The following HYDIN variants were observed in gnomAD, a reference collection of about 807,000 sequenced individuals.
HYDIN encodes axonemal central pair apparatus protein HYDIN.
Under a neutral mutation model 403.9 loss-of-function variants are expected in HYDIN, and 132 were observed. The ratio of observed to expected loss-of-function variants is 0.33; its 90% CI spans 0.28 to 0.38. HYDIN has a LOEUF of 0.38. HYDIN is among the 10% of genes least tolerant of loss of function. The pLI is 1.00. For missense variants in HYDIN, 2,827 were observed against 5,009.5 expected, an observed-to-expected ratio of 0.56 and a Z score of 13.15; for synonymous variants, 1,202 against 1,891.7, an observed-to-expected ratio of 0.64 and a Z score of 9.46.
At chr16:70,934,088 C>T (rs915692214) in intron 45 of HYDIN, among the ~76,000 whole-genome samples, 5 of 152,060 alleles carry the variant, frequency 3.3e-5, no homozygotes, top group South Asian at 2.1e-4. Flanking sequence ...AAGGAGGGTA[C>T]GATCCACAGT....
At chr16:70,808,095 G>A (rs770198980) in intron 85 of HYDIN, 33 bp from the exon 86 acceptor site, 64 of 1,570,192 alleles carry the variant, frequency 4.1e-5, no homozygotes, top group Non-Finnish European at 5.0e-5. Flanking sequence ...CAGCTCACGT[G>A]AGATCCTGAA....
chr16:71,188,917 C>A (rs940703466), intron 1 of HYDIN, among the ~76,000 whole-genome samples: 3 of 151,980 alleles, frequency 2.0e-5, no homozygotes, highest in African/African-American at 7.2e-5. Context: ...TTAGAAGCAA[C>A]AGTCTGATCA....
In HYDIN at chr16:70,902,821, A is replaced by ATATTTTTTTT; in HGVS notation, c.8849+803_8849+804insAAAAAAAATA. Among the ~76,000 whole-genome samples the ATATTTTTTTT allele has an allele frequency of 2.0e-3, 94 of 47,194 alleles. 2 individuals carry two copies. Among genetic ancestry groups the ATATTTTTTTT allele is most frequent in the Admixed American group, 0.017 (67 of 3,862 alleles). The allele number at this position is 47,194 out of a possible 152,430, so 31.0% of individuals were successfully genotyped here. A position where few individuals can be genotyped will look rare whatever the true frequency, so the allele number is the denominator to read the frequency against. ...TATATATATATATATATATATATAT[A>ATATTTTTTTT]TTTTTTTTTTTTTTTTTGTCCCACT... On this transcript the variant is annotated intron_variant, in intron 52 of 85. Transcript: ENST00000393567.
intron 22 of HYDIN, 30 bp downstream of exon 22, chr16:71,020,144 G>A (rs755285580): frequency 3.8e-5 from 61 of 1,609,518 alleles, no homozygotes; most frequent in Non-Finnish European, 4.9e-5. Context: ...ACCCCAGACA[G>A]CTTGCCAGAA....
At chr16:71,039,976 A>C (rs924428665) in intron 18 of HYDIN, among the ~76,000 whole-genome samples, 1 of 151,916 alleles carries the variant, frequency 6.6e-6, no homozygotes, top group Non-Finnish European at 1.5e-5. Flanking sequence ...ACTGTAACAC[A>C]CCCTCTGGGG....
Position 71,217,840 on chromosome 16 carries a change from C to T in HYDIN, c.-24+12722G>A, listed in dbSNP as rs184549543. Among the ~76,000 whole-genome samples, 8 of 152,292 alleles carry T rather than the reference C, an allele frequency of 5.3e-5. No homozygotes were observed. The South Asian group carries it at 8.3e-4, about 16-fold the overall frequency. On this transcript the variant is annotated intron_variant, in intron 1 of 85. Transcript: ENST00000393567. The stretch of plus-strand genomic sequence containing the variant: ...CCCTGCTTTGCGGGAGAGCCATTCA[C>T]GCTGCTGAGGTCTGGTCCAAGAGAG...
intron 18 of HYDIN, among the ~76,000 whole-genome samples, chr16:71,038,679 G>C (rs2081181616): frequency 6.6e-6 from 1 of 152,298 alleles, no homozygotes; most frequent in South Asian, 2.1e-4. Flanking sequence ...AATTTCTTTT[G>C]AGAAGAAGTC....
At chr16:71,063,341 C>T (rs574109560) in intron 16 of HYDIN, among the ~76,000 whole-genome samples, 12 of 152,290 alleles carry the variant, frequency 7.9e-5, no homozygotes, top group Admixed American at 2.6e-4. Context: ...AGCCTGAGGT[C>T]GGACTGATCT....
At chr16:71,203,268 C>CCATCCTAGTGT in intron 1 of HYDIN, among the ~76,000 whole-genome samples, 1 of 152,138 alleles carries the variant, frequency 6.6e-6, no homozygotes, top group Non-Finnish European at 1.5e-5. Context: ...ATCCTGTGAA[C>CCATCCTAGTGT]CATCCTAGTG....
chr16:70,851,503 A>T (rs1362726277), intron 73 of HYDIN, among the ~76,000 whole-genome samples: 1 of 148,490 alleles, frequency 6.7e-6, no homozygotes, highest in African/African-American at 2.6e-5. Context: ...CATCAGAGAA[A>T]TGCAAGTCAA....
At chr16:70,865,789 G>C (rs1597161934) in intron 67 of HYDIN, among the ~76,000 whole-genome samples, 1 of 152,086 alleles carries the variant, frequency 6.6e-6, no homozygotes, top group East Asian at 1.9e-4. Context: ...TTTTGGGTCT[G>C]GGCTTCTAAG....
chr16:70,810,328 C>A (rs1597008891), intron 84 of HYDIN, among the ~76,000 whole-genome samples: 2 of 152,214 alleles, frequency 1.3e-5, no homozygotes, highest in African/African-American at 4.8e-5. Context: ...GCTTAGGCAG[C>A]TCCTTCTTTG....
At chr16:71,167,583 T>A (rs1214622708) in intron 5 of HYDIN, among the ~76,000 whole-genome samples, 1 of 151,848 alleles carries the variant, frequency 6.6e-6, no homozygotes, top group Admixed American at 6.6e-5. Flanking sequence ...GAGAGAGATG[T>A]TTTCAGACCT....
At chr16:70,871,796 C>T (rs950184064) in intron 65 of HYDIN, among the ~76,000 whole-genome samples, 1 of 127,802 alleles carries the variant, frequency 7.8e-6, no homozygotes, top group Non-Finnish European at 1.6e-5. Flanking sequence ...CCACAGGGCC[C>T]GTTGACAGCA....
intron 18 of HYDIN, among the ~76,000 whole-genome samples, chr16:71,035,739 T>C (rs1345902664): frequency 6.6e-6 from 1 of 152,168 alleles, no homozygotes; most frequent in African/African-American, 2.4e-5. Flanking sequence ...TTCCAATTGG[T>C]GACAGGTGTG....
chr16:71,011,868 G>A (rs1431912578), intron 23 of HYDIN, among the ~76,000 whole-genome samples: 5 of 151,370 alleles, frequency 3.3e-5, no homozygotes, highest in Non-Finnish European at 5.9e-5. Flanking sequence ...GCTGGCTGGC[G>A]CTCATCATAG....
At chr16:71,193,064 T>A (rs1056307677) in intron 1 of HYDIN, among the ~76,000 whole-genome samples, 10 of 152,204 alleles carry the variant, frequency 6.6e-5, no homozygotes, top group Non-Finnish European at 1.5e-5. Flanking sequence ...GTCCTTTGCA[T>A]ATGCCCCTCT....
chr16:71,028,029 G>A (rs984229836), intron 19 of HYDIN, among the ~76,000 whole-genome samples, 154 bp from the exon 20 acceptor site: 1 of 135,846 alleles, frequency 7.4e-6, no homozygotes, highest in African/African-American at 2.6e-5. Flanking sequence ...ACTAAGTCAC[G>A]ATGCCACTAG....
chr16:71,062,356 G>A (rs751755535), intron 16 of HYDIN, 23 bp from the exon 17 acceptor site: 18 of 1,590,514 alleles, frequency 1.1e-5, no homozygotes, highest in Non-Finnish European at 1.5e-5. Flanking sequence ...AAACCAGAGG[G>A]GTAAGGACAG....
Sources: gnomAD v4.1 joint callset for allele counts (sites outside exome capture counted in the v4.1 genomes callset) on GRCh38, gnomAD v4.1.1 for gene constraint, MANE v1.5 for transcripts, NCBI Gene and HGNC (gene_info 2026-07-23, HGNC 2026-07-21) for gene names.